RAB27B: variants seen among roughly 807,000 people sequenced by gnomAD.
RAB27B encodes the protein RAB27B, member RAS oncogene family.
Under a neutral mutation model 24.6 loss-of-function variants are expected in RAB27B, and 15 were observed. The observed-to-expected ratio is 0.61, with a 90% CI of 0.41 to 0.94. The LOEUF (loss-of-function observed/expected upper bound fraction) is 0.94. RAB27B is among the 40% of genes least tolerant of loss of function. The pLI is 0.00. For synonymous variants in RAB27B, 105 were observed against 92.5 expected (o/e 1.14, Z -0.78); for missense variants, 261 against 266.8 (o/e 0.98, Z 0.15).
chr18:54,868,816 G>A (rs146055180), intron 1 of RAB27B, among the ~76,000 whole-genome samples: 4 of 152,050 alleles, frequency 2.6e-5, no homozygotes, highest in Admixed American at 1.3e-4. Context: ...TAGTAGAGAC[G>A]GGGTTTCACC....
intron 2 of RAB27B, among the ~76,000 whole-genome samples, chr18:54,784,146 C>A (rs778642986): frequency 3.3e-5 from 5 of 152,168 alleles, no homozygotes; most frequent in Non-Finnish European, 7.3e-5. Context: ...TTAAAACAAT[C>A]AAAGCAGAAG....
chr18:54,790,515 T>C (rs1909215536), intron 2 of RAB27B, among the ~76,000 whole-genome samples: 1 of 152,152 alleles, frequency 6.6e-6, no homozygotes, highest in African/African-American at 2.4e-5. Context: ...GTTTTGCACA[T>C]TAAAGTTTAG....
chr18:54,780,203 C>T (rs1050711933), intron 2 of RAB27B, among the ~76,000 whole-genome samples: 1 of 144,776 alleles, frequency 6.9e-6, no homozygotes, highest in African/African-American at 2.6e-5. Flanking sequence ...CTGACTGCTT[C>T]CCCCTCACCG....
Position 54,740,245 on chromosome 18 carries a change from G to A in RAB27B, c.-20+22104G>A, listed in dbSNP as rs1833292. ...CCTATAAGAATGATTATTTCTTATA[G>A]TTTCTATTAGCTCATCCCCAGATAA... On this transcript the variant is annotated intron_variant, in intron 2 of 4. Coordinates refer to the RAB27B transcript ENST00000586570. Among the ~76,000 whole-genome samples, 20 of 152,062 alleles carry A rather than the reference G, an allele frequency of 1.3e-4. No homozygotes were observed. The East Asian group carries it at 3.1e-3, about 24-fold the overall frequency.
intron 2 of RAB27B, among the ~76,000 whole-genome samples, chr18:54,799,587 A>G (rs1004861373): frequency 6.6e-6 from 1 of 151,110 alleles, no homozygotes; most frequent in Non-Finnish European, 1.5e-5. Flanking sequence ...TATACAGGAG[A>G]AAAATATCAG....
At chr18:54,855,873 T>A (rs1363342758) in intron 1 of RAB27B, among the ~76,000 whole-genome samples, 1 of 152,224 alleles carries the variant, frequency 6.6e-6, no homozygotes, top group Admixed American at 6.5e-5. Flanking sequence ...TTCTAATATG[T>A]ACACCCTGAA....
intron 3 of RAB27B, chr18:54,880,632 T>A (rs997510974): frequency 6.6e-6 from 1 of 152,178 alleles, no homozygotes; most frequent in African/African-American, 2.4e-5. Flanking sequence ...AAGCCATTCC[T>A]CACAAGAATC....
At chr18:54,760,709 A>G (rs1270249390) in intron 2 of RAB27B, among the ~76,000 whole-genome samples, 1 of 152,128 alleles carries the variant, frequency 6.6e-6, no homozygotes, top group Non-Finnish European at 1.5e-5. Context: ...TTCAAACCAG[A>G]TCATGAAAAG....
intron 2 of RAB27B, among the ~76,000 whole-genome samples, chr18:54,811,681 C>T (rs1048253984): frequency 1.3e-5 from 2 of 152,246 alleles, no homozygotes; most frequent in Middle Eastern, 3.4e-3. Flanking sequence ...TATCGATTTA[C>T]GTTGCCAGGG....
chr18:54,846,544 C>T (rs1205403730), intron 1 of RAB27B, among the ~76,000 whole-genome samples: 1 of 152,112 alleles, frequency 6.6e-6, no homozygotes, highest in Non-Finnish European at 1.5e-5. Flanking sequence ...AAGCAAGAAC[C>T]AAGCCAAGTC....
intron 2 of RAB27B, among the ~76,000 whole-genome samples, chr18:54,751,588 A>G (rs1323991277): frequency 1.3e-5 from 2 of 152,158 alleles, no homozygotes; most frequent in Non-Finnish European, 2.9e-5. Flanking sequence ...GAATTTAGGA[A>G]GTCATTGGAA....
At chr18:54,860,964 G>T (rs1468019048) in intron 1 of RAB27B, among the ~76,000 whole-genome samples, 2 of 152,102 alleles carry the variant, frequency 1.3e-5, no homozygotes, top group Non-Finnish European at 2.9e-5. Context: ...CTTTTCCTTG[G>T]AATCACATGG....
At chr18:54,745,077 C>A in intron 2 of RAB27B, 1 of 171,324 alleles carries the variant, frequency 5.8e-6, no homozygotes, top group South Asian at 1.2e-4. Context: ...CTTCCCGCAC[C>A]AGATCCAGGC....
rs369930494 is a variant in RAB27B, at chr18:54,722,906, T to A, written c.-20+4765T>A. ...TCAAAGGAAAACCTTCCTCCTGGAG[T>A]CTATCAGCTAGCTGTATTTGAAGCT... On this transcript the variant is annotated intron_variant, in intron 2 of 4. Coordinates refer to the RAB27B transcript ENST00000586570. 1.1e-3 allele frequency among the ~76,000 whole-genome samples: 173 copies of A among 152,260 alleles called. 4 individuals carry two copies. The South Asian group carries it at 0.028, about 24-fold the overall frequency.
intron 2 of RAB27B, among the ~76,000 whole-genome samples, chr18:54,774,073 G>A (rs1908641234): frequency 6.6e-6 from 1 of 152,052 alleles, no homozygotes. Flanking sequence ...ATAATAACCA[G>A]AGACGCCTTC....
At chr18:54,871,992 C>G (rs1297495953) in intron 1 of RAB27B, among the ~76,000 whole-genome samples, 3 of 152,132 alleles carry the variant, frequency 2.0e-5, no homozygotes, top group Admixed American at 2.0e-4. Context: ...GTGGGTAATT[C>G]CAAATGTGGA....
chr18:54,826,520 G>A (rs979611526), upstream of RAB27B, among the ~76,000 whole-genome samples: 3 of 152,090 alleles, frequency 2.0e-5, no homozygotes, highest in African/African-American at 4.8e-5. Flanking sequence ...TTGGAACCTC[G>A]GAGACAGGAC....
chr18:54,814,970 A>G (rs1163585592), intron 2 of RAB27B, among the ~76,000 whole-genome samples: 1 of 152,076 alleles, frequency 6.6e-6, no homozygotes, highest in Non-Finnish European at 1.5e-5. Context: ...TTATTTCACA[A>G]CCACCATCTC....
At chr18:54,728,874 TCAAAAAAAAAAAAAAAAAAAAAAAAACC>T (rs1232638975) in intron 2 of RAB27B, among the ~76,000 whole-genome samples, 1 of 1,038 alleles carries the variant, frequency 9.6e-4, no homozygotes, top group Non-Finnish European at 1.7e-3. Flanking sequence ...AGACTCTGTC[TCAAAAAAAAAAAAAAAAAAAAAAAAACC>T]CAAAAAAAAA....
Sources: gnomAD v4.1 joint callset for allele counts (sites outside exome capture counted in the v4.1 genomes callset) on GRCh38, gnomAD v4.1.1 for gene constraint, MANE v1.5 for transcripts, NCBI Gene and HGNC (gene_info 2026-07-23, HGNC 2026-07-21) for gene names.